CP: variants seen among roughly 807,000 people sequenced by gnomAD.
The protein encoded by CP is caeruloplasmin.
In CP, 64 loss-of-function variants were observed where a neutral mutation model predicts 122.4. The ratio of observed to expected loss-of-function variants is 0.52; its 90% CI spans 0.43 to 0.64. CP has a LOEUF of 0.64. CP is among the 30% of genes least tolerant of loss of function. The pLI is 0.00. For missense variants in CP, 1,167 were observed against 1,284.4 expected (o/e 0.91, Z 1.40); for synonymous variants, 440 against 436.4 (o/e 1.01, Z -0.10).
intron 3 of CP, 52 bp from the exon 4 acceptor site, chr3:149,209,436 G>T: frequency 1.9e-6 from 3 of 1,542,392 alleles, no homozygotes; most frequent in Non-Finnish European, 2.7e-6. Context: ...CATGTATTTT[G>T]ATTTATGTTT....
intron 18 of CP, 34 bp downstream of exon 18, chr3:149,176,216 A>G: frequency 2.5e-6 from 4 of 1,598,668 alleles, no homozygotes; most frequent in Non-Finnish European, 3.4e-6. Context: ...TATCTTTTAT[A>G]TATGGCTTCT....
intron 4 of CP, 64 bp downstream of exon 4, chr3:149,209,147 G>A (rs1727938261): frequency 1.3e-6 from 2 of 1,595,096 alleles, no homozygotes; most frequent in Non-Finnish European, 1.7e-6. Flanking sequence ...GAGGGAATAA[G>A]CTTAGCAGAA....
intron 9 of CP, among the ~76,000 whole-genome samples, chr3:149,192,652 G>A (rs1726615057): frequency 6.6e-6 from 1 of 150,742 alleles, no homozygotes; most frequent in Non-Finnish European, 1.5e-5. Flanking sequence ...ACATAACAAA[G>A]ATAATATGTA....
downstream of CP, chr3:149,172,317 A>C (rs1013031553): frequency 3.0e-4 from 190 of 640,858 alleles, 1 homozygote; most frequent in Non-Finnish European, 4.3e-4. Context: ...TATTTTATAT[A>C]TCACACACAC....
At chr3:149,171,698 C>CTTTTTTT (rs1170000443), downstream of CP, among the ~76,000 whole-genome samples, 14 of 118,260 alleles carry the variant, frequency 1.2e-4, no homozygotes, top group African/African-American at 2.6e-4. Flanking sequence ...GAACTGGCTT[C>CTTTTTTT]TTTTTTTTTT....
chr3:149,221,316 C>G (rs900757552), intron 1 of CP, among the ~76,000 whole-genome samples: 6 of 152,052 alleles, frequency 3.9e-5, no homozygotes, highest in Admixed American at 6.6e-5. Context: ...GTGCAATAAA[C>G]ATAACATTGT....
chr3:149,214,003 T>C (rs377557560), intron 1 of CP, among the ~76,000 whole-genome samples: 182 of 152,340 alleles, frequency 1.2e-3, no homozygotes, highest in Middle Eastern at 6.8e-3. Context: ...ATTCTGATTC[T>C]GTGGGTCTGG....
chr3:149,212,415 G>T (rs1157967939), intron 2 of CP, 36 bp downstream of exon 2: 1 of 1,612,550 alleles, frequency 6.2e-7, no homozygotes, highest in South Asian at 1.1e-5. Flanking sequence ...CTACTGAAAA[G>T]TAAGAGGAAA....
At chr3:149,180,440 T>C (rs1725704148) in intron 14 of CP, among the ~76,000 whole-genome samples, 1 of 152,206 alleles carries the variant, frequency 6.6e-6, no homozygotes, top group Non-Finnish European at 1.5e-5. Flanking sequence ...ACCTCAGGGC[T>C]TCCTGTGCAA....
rs961182121 is a variant in CP at position 149,194,701 on chromosome 3, C to T, written c.1713+3666G>A. On this transcript the variant is annotated intron_variant, in intron 9 of 18. Coordinates refer to ENST00000264613, the MANE Select transcript of CP (RefSeq NM_000096.4). Reference sequence around the variant, plus strand: ...AGACTTGAACAAATGGAAAGACATACGTTCTTATGTAGGATGACTCAACTT... The same window carrying T: ...AGACTTGAACAAATGGAAAGACATATGTTCTTATGTAGGATGACTCAACTT... 9.2e-5 allele frequency among the ~76,000 whole-genome samples: 14 copies of T among 152,272 alleles called. No homozygotes were observed. The South Asian group carries it at 1.2e-3, about 14-fold the overall frequency.
chr3:149,162,493 T>A, exon 6 of CP: 1 of 898,062 alleles, frequency 1.1e-6, no homozygotes, highest in Non-Finnish European at 1.8e-6. Flanking sequence ...AAAGACTATA[T>A]CTGTAGAAAC....
chr3:149,198,698 A>C (rs1468330892), intron 8 of CP, 120 bp from the exon 9 acceptor site: 2 of 838,940 alleles, frequency 2.4e-6, no homozygotes, highest in African/African-American at 3.4e-5. Flanking sequence ...TATAAATTAG[A>C]ATGGAATCCC....
rs1725635976 is a variant in CP at position 149,179,413 on chromosome 3, A to ACACACATAGG, written c.2661+142_2661+143insCCTATGTGTG. On this transcript the variant is annotated intron_variant, in intron 15 of 18. Coordinates refer to ENST00000264613, the MANE Select transcript of CP (RefSeq NM_000096.4). ...TGTCTTGTGTGTCATAGGTAGCAGC[A>ACACACATAGG]TAGTTGCTAAAGTAGATTGCAAACA... 3 of 692,574 alleles carry ACACACATAGG rather than the reference A, an allele frequency of 4.3e-6. No homozygotes were observed. In the South Asian group the frequency reaches 4.6e-5, roughly 11 times the overall value. The allele number at this position is 692,574 out of a possible 1,614,324, so 42.9% of individuals were successfully genotyped here. A position where few individuals can be genotyped will look rare whatever the true frequency, so the allele number is the denominator to read the frequency against.
chr3:149,181,975 C>CG, intron 14 of CP, 30 bp downstream of exon 14: 2 of 1,088,426 alleles, frequency 1.8e-6, no homozygotes, highest in Non-Finnish European at 2.7e-6. Flanking sequence ...TGTTAAAATG[C>CG]ACCACCCCCA....
At chr3:149,181,973 T>TGCGGGGGGGGGG in intron 14 of CP, 32 bp downstream of exon 14, 9 of 1,375,568 alleles carry the variant, frequency 6.5e-6, no homozygotes, top group South Asian at 1.2e-5. Context: ...CCTGTTAAAA[T>TGCGGGGGGGGGG]GCACCACCCC....
At chr3:149,193,847 A>C (rs763640743) in intron 9 of CP, among the ~76,000 whole-genome samples, 2 of 152,256 alleles carry the variant, frequency 1.3e-5, no homozygotes, top group Non-Finnish European at 2.9e-5. Flanking sequence ...TCAGATGGGC[A>C]TGAGAAATAT....
chr3:149,182,263 G>A lies in CP; in HGVS notation c.2426-130C>T, dbSNP rs79740086. 2.2e-4 allele frequency: 221 copies of A among 999,552 alleles called. 1 individual carries two copies. In the African/African-American group the frequency reaches 2.9e-3, roughly 13 times the overall value. The allele number at this position is 999,552 out of a possible 1,614,324, so 61.9% of individuals were successfully genotyped here. On this transcript the variant is annotated intron_variant, in intron 13 of 18. Transcript: ENST00000264613. ...TATAATACTCTTGGATTTATACTGC[G>A]TCCCAGGGAATTTGGAATCAATACA...
In CP at chr3:149,186,546, G is replaced by A. The variant is rs535750064; in HGVS notation, c.2051C>T (p.Thr684Met). ...TANLFPQTSL[T>M]LHMWPDTEGT... is the part of the protein sequence containing the mutation. ...CTCTGTGTCAGGCCACATGTGGAGC[G>A]TAAGACTTGTTTGAGGGAAGAGGTT... The change falls in exon 11 of 19, where the codon ACG becomes ATG. Residue 684 changes from threonine to methionine, a missense_variant. By Grantham distance (81) the Thr-to-Met change is moderately conservative. Coordinates refer to ENST00000264613, the MANE Select transcript of CP (RefSeq NM_000096.4). 24 of 1,614,168 alleles carry A rather than the reference G, an allele frequency of 1.5e-5. No individual in the cohort carries two copies. Among genetic ancestry groups the A allele is most frequent in the East Asian group, 6.7e-5 (3 of 44,888 alleles).
chr3:149,183,409 C>G, intron 13 of CP, 57 bp downstream of exon 13: 1 of 1,558,584 alleles, frequency 6.4e-7, no homozygotes. Context: ...TTGACGGTTA[C>G]TGCAGGTAGC....
Sources: allele counts gnomAD v4.1 joint callset (sites outside exome capture counted in the v4.1 genomes callset), GRCh38; gene constraint gnomAD v4.1.1; transcripts MANE v1.5; gene names NCBI Gene and HGNC (gene_info 2026-07-23, HGNC 2026-07-21).